The following DAW1 variants were observed in gnomAD, a reference collection of about 807,000 sequenced individuals.
DAW1 encodes the protein dynein assembly factor with WD repeats 1.
DAW1 carries 47 observed loss-of-function variants against 56.5 expected under a neutral mutation model. The observed-to-expected ratio is 0.83, with a 90% CI of 0.66 to 1.06. DAW1 has a LOEUF of 1.06. DAW1 is among the 50% of genes least tolerant of loss of function. The pLI is 0.00. For missense variants in DAW1, 505 were observed against 499.3 expected (o/e 1.01, Z -0.11); for synonymous variants, 190 against 179.0 (o/e 1.06, Z -0.49).
At chr2:227,908,584 A>G (rs1691740331) in intron 10 of DAW1, among the ~76,000 whole-genome samples, 1 of 152,116 alleles carries the variant, frequency 6.6e-6, no homozygotes, top group Admixed American at 6.6e-5. Flanking sequence ...TGTCTGCACT[A>G]TTTCCCTGGC....
At chr2:227,872,089 ATTAC>A (rs1349473524) in intron 1 of DAW1, 5 of 257,464 alleles carry the variant, frequency 1.9e-5, no homozygotes, top group African/African-American at 2.2e-5. Context: ...TTACTTAACT[ATTAC>A]TTAGTAACAT....
chr2:227,909,793 T>C (rs979466026), intron 10 of DAW1, among the ~76,000 whole-genome samples: 2 of 152,172 alleles, frequency 1.3e-5, no homozygotes, highest in Non-Finnish European at 2.9e-5. Flanking sequence ...CCTTTTGTTG[T>C]ATCTGGGTCC....
At chr2:227,903,153 TA>T (rs775841959) in intron 7 of DAW1, 44 bp downstream of exon 7, 5 of 1,590,048 alleles carry the variant, frequency 3.1e-6, no homozygotes, top group Non-Finnish European at 4.3e-6. Context: ...TGTTCATTCT[TA>T]TTTGTGTTTT....
In DAW1 at chr2:227,893,699, A is replaced by G. The variant is rs1691332528; in HGVS notation, c.318-96A>G. On this transcript the variant is annotated intron_variant, in intron 4 of 12. Coordinates refer to ENST00000309931, the MANE Select transcript of DAW1 (RefSeq NM_178821.3). ...ACAAACAAACAAACAAACAAACAGC[A>G]TAATAAATAGAGTTATTATCCTACA... 3 of 1,475,836 alleles carry G rather than the reference A, an allele frequency of 2.0e-6. No homozygotes were observed. The African/African-American group carries it at 4.2e-5, about 21-fold the overall frequency. 91.4% of individuals were successfully genotyped at this position (1,475,836 alleles called of 1,614,324 possible). A position where few individuals can be genotyped will look rare whatever the true frequency, so the allele number is the denominator to read the frequency against.
chr2:227,878,061 A>T (rs1690926794), intron 1 of DAW1, among the ~76,000 whole-genome samples: 1 of 152,258 alleles, frequency 6.6e-6, no homozygotes, highest in African/African-American at 2.4e-5. Flanking sequence ...AAGAAAGCAG[A>T]CTTTTGTTAA....
chr2:227,877,620 G>A (rs78842301), intron 1 of DAW1, among the ~76,000 whole-genome samples: 1 of 152,244 alleles, frequency 6.6e-6, no homozygotes, highest in African/African-American at 2.4e-5. Context: ...AGACCAGGGG[G>A]ATGGTTTTGG....
chr2:227,887,317 G>A (rs1274060188), intron 2 of DAW1, among the ~76,000 whole-genome samples: 1 of 152,218 alleles, frequency 6.6e-6, no homozygotes, highest in Non-Finnish European at 1.5e-5. Context: ...AATGGAACAT[G>A]TTATTGATTT....
At chr2:227,902,152 T>A (rs1261929163) in intron 6 of DAW1, among the ~76,000 whole-genome samples, 1 of 152,184 alleles carries the variant, frequency 6.6e-6, no homozygotes, top group African/African-American at 2.4e-5. Flanking sequence ...AGGACTCTAC[T>A]GAGGACAGAG....
rs1024621623 is a variant in DAW1 at position 227,907,204 on chromosome 2, A to G, written c.925A>G (p.Ser309Gly). 4 of 1,613,678 alleles carry G rather than the reference A, an allele frequency of 2.5e-6. No homozygotes were observed. Among genetic ancestry groups the G allele is most frequent in the Middle Eastern group, 1.6e-4 (1 of 6,082 alleles). ...AGGCCATGATGATGAAATACTAGACAGCTGCTTTGATTACACTGGAAAGCT... is the reference window on the plus strand; with the variant it reads ...AGGCCATGATGATGAAATACTAGACGGCTGCTTTGATTACACTGGAAAGCT... ...LTGHDDEILD[S>G]CFDYTGKLIA... Residue 309 changes from serine to glycine, a missense_variant, in exon 10 of 13, where the codon AGC becomes GGC. Coordinates refer to ENST00000309931, the MANE Select transcript of DAW1 (RefSeq NM_178821.3).
At chr2:227,921,332 TTGCTGA>T in intron 11 of DAW1, 61 bp from the exon 12 acceptor site, 12 of 196,956 alleles carry the variant, frequency 6.1e-5, no homozygotes, top group Non-Finnish European at 6.9e-5. Context: ...TTTTTTTTTT[TTGCTGA>T]TAAGAAATGT....
chr2:227,916,798 T>G (rs1239293580), intron 10 of DAW1, among the ~76,000 whole-genome samples: 1 of 152,232 alleles, frequency 6.6e-6, no homozygotes, highest in Non-Finnish European at 1.5e-5. Flanking sequence ...ATACTATGTC[T>G]GCGTTATCTC....
rs1385278546 is a variant in DAW1, at chr2:227,871,633, T to A, written c.-57T>A. 3 of 1,598,074 alleles carry A rather than the reference T, an allele frequency of 1.9e-6. No homozygotes were observed. Among genetic ancestry groups the A allele is most frequent in the South Asian group, 2.3e-5 (2 of 88,768 alleles). On this transcript the variant is annotated 5_prime_UTR_variant, in exon 1 of 13. Transcript: ENST00000309931. ...CGCATGCGCACCCGCGTCCCGCTGC[T>A]GTTTAGCCGTTTCCAAGGCTACGAA...
At chr2:227,895,587 T>C (rs909244063) in intron 5 of DAW1, 9 of 152,246 alleles carry the variant, frequency 5.9e-5, no homozygotes, top group African/African-American at 2.2e-4. Flanking sequence ...CAAAGAGACC[T>C]CAGCAGCTCA....
At chr2:227,917,386 G>A (rs1691981205) in intron 10 of DAW1, among the ~76,000 whole-genome samples, 3 of 151,540 alleles carry the variant, frequency 2.0e-5, no homozygotes, top group Admixed American at 1.3e-4. Context: ...TCAGCCTCCC[G>A]AGTAGCTGGG....
intron 10 of DAW1, among the ~76,000 whole-genome samples, chr2:227,911,178 A>G (rs1048907174): frequency 6.7e-6 from 1 of 148,914 alleles, no homozygotes; most frequent in Non-Finnish European, 1.5e-5. Context: ...ATGTATAGTT[A>G]TATATATATG....
intron 6 of DAW1, among the ~76,000 whole-genome samples, chr2:227,900,469 A>G (rs1251984695): frequency 6.6e-6 from 1 of 152,214 alleles, no homozygotes; most frequent in African/African-American, 2.4e-5. Context: ...TAGAAGGAGT[A>G]AAAGTGTCAA....
intron 3 of DAW1, 70 bp downstream of exon 3, chr2:227,890,070 T>A (rs1325342204): frequency 7.1e-7 from 1 of 1,405,896 alleles, no homozygotes; most frequent in African/African-American, 1.5e-5. Flanking sequence ...AATTTTTCTT[T>A]CCCTAAAAAT....
At chr2:227,912,548 A>G in intron 10 of DAW1, 2 of 1,244,174 alleles carry the variant, frequency 1.6e-6, no homozygotes, top group Non-Finnish European at 2.1e-6. Flanking sequence ...GTTTCATATC[A>G]CTGGAGGTCT....
chr2:227,919,050 G>T (rs1393372593), intron 11 of DAW1, among the ~76,000 whole-genome samples, 194 bp downstream of exon 11: 1 of 151,910 alleles, frequency 6.6e-6, no homozygotes, highest in South Asian at 2.1e-4. Context: ...AAAAAAGTCA[G>T]CTGTGCATGG....
Sources: allele counts gnomAD v4.1 joint callset (sites outside exome capture counted in the v4.1 genomes callset), GRCh38; gene constraint gnomAD v4.1.1; transcripts MANE v1.5; gene names NCBI Gene and HGNC (gene_info 2026-07-23, HGNC 2026-07-21).